FTO: variants seen among roughly 807,000 people sequenced by gnomAD.
FTO encodes alpha-ketoglutarate-dependent dioxygenase FTO.
Under a neutral mutation model 63.9 loss-of-function variants are expected in FTO, and 47 were observed. The observed-to-expected ratio is 0.74, with a 90% CI of 0.58 to 0.94. The LOEUF is 0.94. FTO is among the 40% of genes least tolerant of loss of function. The pLI is 0.00. For synonymous variants in FTO, 207 were observed against 224.4 expected (o/e 0.92, Z 0.69); for missense variants, 562 against 618.1 (o/e 0.91, Z 0.96).
intron 8 of FTO, chr16:54,072,571 T>C (rs1413326857): frequency 1.3e-5 from 2 of 152,286 alleles, no homozygotes; most frequent in Non-Finnish European, 2.9e-5. Context: ...AGTCTTGAGC[T>C]GGGGGAGGGG....
intron 2 of FTO, among the ~76,000 whole-genome samples, chr16:53,821,944 G>T (rs1000351919): frequency 6.6e-6 from 1 of 152,212 alleles, no homozygotes; most frequent in Admixed American, 6.5e-5. Flanking sequence ...GCAGCCACCA[G>T]CTGGTTGCTG....
rs1192426385 is a variant in FTO at position 54,113,874 on chromosome 16, C to A, written c.*1959C>A. The A allele has an allele frequency of 1.3e-5, 2 of 149,988 alleles. No homozygotes were observed. Among genetic ancestry groups the A allele is most frequent in the Non-Finnish European group, 2.9e-5 (2 of 67,880 alleles). The allele number at this position is 149,988 out of a possible 1,614,324, so 9.3% of individuals were successfully genotyped here. ...CCAGGCTAGAGTGCAGTGGCACGAT[C>A]TCAGCTCACTGCAACCTCTGCCTCC... On this transcript the variant is annotated 3_prime_UTR_variant, in exon 9 of 9. Coordinates refer to ENST00000471389, the MANE Select transcript of FTO (RefSeq NM_001080432.3).
chr16:53,842,682 T>A (rs1598802523), intron 3 of FTO, among the ~76,000 whole-genome samples: 1 of 152,310 alleles, frequency 6.6e-6, no homozygotes, highest in East Asian at 1.9e-4. Context: ...TATTTATTTA[T>A]ATTTATTTTG....
intron 8 of FTO, among the ~76,000 whole-genome samples, chr16:54,096,690 G>T (rs1312344752): frequency 4.6e-5 from 7 of 152,106 alleles, no homozygotes; most frequent in Non-Finnish European, 1.0e-4. Flanking sequence ...GAAAAGTGTT[G>T]GACTAGTGAG....
chr16:53,733,558 C>T (rs1356072252), intron 1 of FTO, among the ~76,000 whole-genome samples: 1 of 152,142 alleles, frequency 6.6e-6, no homozygotes, highest in African/African-American at 2.4e-5. Context: ...AGTTTATTTA[C>T]TTACTTGGCT....
intron 1 of FTO, among the ~76,000 whole-genome samples, chr16:53,714,581 T>A (rs1157319901): frequency 6.6e-6 from 1 of 152,164 alleles, no homozygotes; most frequent in Non-Finnish European, 1.5e-5. Context: ...ATGCAAACAT[T>A]ACAGTTTATG....
intron 8 of FTO, among the ~76,000 whole-genome samples, chr16:53,939,134 C>T (rs942165661): frequency 2.0e-5 from 3 of 152,000 alleles, no homozygotes; most frequent in African/African-American, 4.8e-5. Flanking sequence ...TATACTGACT[C>T]GTAATACAGG....
At chr16:53,840,088 C>G (rs2079430944) in intron 3 of FTO, among the ~76,000 whole-genome samples, 1 of 152,062 alleles carries the variant, frequency 6.6e-6, no homozygotes, top group South Asian at 2.1e-4. Flanking sequence ...CAGGTGTGAG[C>G]CACCACACCT....
chr16:53,865,327 G>A (rs527555107), intron 4 of FTO, among the ~76,000 whole-genome samples: 3 of 152,164 alleles, frequency 2.0e-5, no homozygotes, highest in Non-Finnish European at 4.4e-5. Context: ...GATGGCAAAC[G>A]GGAAGAGAGA....
At chr16:53,982,791 G>T (rs1288340320) in intron 8 of FTO, among the ~76,000 whole-genome samples, 2 of 152,210 alleles carry the variant, frequency 1.3e-5, no homozygotes, top group Non-Finnish European at 2.9e-5. Context: ...GGTAAAGCTT[G>T]CAGTGTTAAG....
intron 8 of FTO, among the ~76,000 whole-genome samples, chr16:54,005,352 A>C (rs189801731): frequency 6.8e-6 from 1 of 147,486 alleles, no homozygotes; most frequent in Non-Finnish European, 1.5e-5. Flanking sequence ...TAAATTTTTT[A>C]AAATATGAAA....
intron 1 of FTO, among the ~76,000 whole-genome samples, chr16:53,799,352 A>T (rs2078161355): frequency 6.6e-6 from 1 of 152,172 alleles, no homozygotes; most frequent in African/African-American, 2.4e-5. Context: ...ATTCAATTTC[A>T]TTAATAGATA....
At chr16:54,068,975 A>G (rs2085796434) in intron 8 of FTO, among the ~76,000 whole-genome samples, 1 of 152,182 alleles carries the variant, frequency 6.6e-6, no homozygotes, top group Non-Finnish European at 1.5e-5. Flanking sequence ...TATCGTTTCC[A>G]TCTTTCAAGC....
chr16:53,908,643 G>A (rs138902699), intron 7 of FTO, among the ~76,000 whole-genome samples: 58 of 152,276 alleles, frequency 3.8e-4, no homozygotes, highest in African/African-American at 1.4e-3. Flanking sequence ...GGGTACTTTG[G>A]CACTTCAGAG....
chr16:54,055,839 T>C (rs79497105), intron 8 of FTO, among the ~76,000 whole-genome samples: 6,968 of 152,326 alleles, frequency 0.046, 202 homozygotes, highest in South Asian at 0.15. Flanking sequence ...ATTAGCAGGA[T>C]ATCTTTAGGG....
rs375013232 is a variant in FTO, at chr16:53,912,154, G to A, written c.1240-21831G>A. On this transcript the variant is annotated intron_variant, in intron 7 of 8. Coordinates refer to ENST00000471389, the MANE Select transcript of FTO (RefSeq NM_001080432.3). ...AGGAAAATGGTTGGGCATTATTACA[G>A]TATAGCTGGGGGTACTAGGAGAAGG... is the stretch of plus-strand genomic sequence containing the variant. Among the ~76,000 whole-genome samples, 6 of 150,036 alleles carry A rather than the reference G, an allele frequency of 4.0e-5. No homozygotes were observed. The South Asian group carries it at 1.1e-3, about 27-fold the overall frequency.
intron 8 of FTO, among the ~76,000 whole-genome samples, chr16:54,020,781 G>C (rs1030612372): frequency 5.9e-5 from 9 of 152,052 alleles, no homozygotes; most frequent in African/African-American, 2.2e-4. Context: ...AGTCCAGCCT[G>C]GCCAACATGG....
intron 1 of FTO, among the ~76,000 whole-genome samples, chr16:53,799,199 C>T (rs566595889): frequency 4.6e-5 from 7 of 152,130 alleles, no homozygotes; most frequent in Admixed American, 1.3e-4. Context: ...AATATTTCTG[C>T]TTGCCTTTGG....
intron 1 of FTO, among the ~76,000 whole-genome samples, chr16:53,707,784 G>A (rs965593178): frequency 6.6e-6 from 1 of 152,056 alleles, no homozygotes; most frequent in African/African-American, 2.4e-5. Flanking sequence ...TCAATGGTTG[G>A]TAGCATATTT....
Sources: gnomAD v4.1 joint callset for allele counts (sites outside exome capture counted in the v4.1 genomes callset) on GRCh38, gnomAD v4.1.1 for gene constraint, MANE v1.5 for transcripts, NCBI Gene and HGNC (gene_info 2026-07-23, HGNC 2026-07-21) for gene names.